The following FER variants were observed in gnomAD, a reference collection of about 807,000 sequenced individuals.
FER encodes the protein FER tyrosine kinase.
Under a neutral mutation model 111.0 loss-of-function variants are expected in FER, and 63 were observed. The observed-to-expected ratio is 0.57, with a 90% CI of 0.46 to 0.70. The LOEUF (loss-of-function observed/expected upper bound fraction) is 0.70. Among genes scored for constraint, FER ranks in the 30% least tolerant of loss-of-function variants. FER has a pLI of 0.00. For synonymous variants in FER, 327 were observed against 313.9 expected (o/e 1.04, Z -0.44); for missense variants, 914 against 954.0 (o/e 0.96, Z 0.55).
chr5:109,111,622 C>A (rs1749630652), intron 17 of FER, among the ~76,000 whole-genome samples: 1 of 152,288 alleles, frequency 6.6e-6, no homozygotes, highest in East Asian at 1.9e-4. Flanking sequence ...GTTTAACTGA[C>A]TCACAGTTCC....
At chr5:108,791,091 A>G (rs1317113092) in intron 2 of FER, among the ~76,000 whole-genome samples, 1 of 152,222 alleles carries the variant, frequency 6.6e-6, no homozygotes, top group African/African-American at 2.4e-5. Context: ...TATTGTGAAT[A>G]ATGTTGCTTC....
At chr5:108,780,468 A>T (rs1753938563) in intron 2 of FER, among the ~76,000 whole-genome samples, 1 of 151,748 alleles carries the variant, frequency 6.6e-6, no homozygotes. Flanking sequence ...TTTGGAGGTA[A>T]TGTCAATGTA....
chr5:109,160,712 T>C (rs1046663587), intron 17 of FER, among the ~76,000 whole-genome samples: 2 of 152,290 alleles, frequency 1.3e-5, no homozygotes, highest in Admixed American at 1.3e-4. Context: ...TGCCTGCTCT[T>C]CTCTGAGTCT....
intron 5 of FER, among the ~76,000 whole-genome samples, chr5:108,865,538 T>G (rs1193884576): frequency 6.6e-6 from 1 of 152,058 alleles, no homozygotes; most frequent in East Asian, 1.9e-4. Context: ...GGACTTCATG[T>G]CTAAAACACC....
intron 5 of FER, among the ~76,000 whole-genome samples, chr5:108,865,280 A>T (rs10058519): frequency 0.22 from 33,538 of 151,920 alleles, 3,897 homozygotes; most frequent in African/African-American, 0.28. Context: ...TTTCTAAATA[A>T]ACAATCATGT....
At chr5:108,774,495 G>T (rs1472653265) in intron 2 of FER, among the ~76,000 whole-genome samples, 1 of 152,090 alleles carries the variant, frequency 6.6e-6, no homozygotes, top group Admixed American at 6.6e-5. Context: ...TTCCACAATG[G>T]TTGAACTAAT....
intron 10 of FER, among the ~76,000 whole-genome samples, chr5:108,900,603 G>A (rs1749865470): frequency 2.0e-5 from 3 of 152,190 alleles, no homozygotes; most frequent in Admixed American, 2.0e-4. Flanking sequence ...GTGAAAATTT[G>A]TGTAAATATT....
At chr5:108,986,060 T>C (rs1319320807) in intron 13 of FER, among the ~76,000 whole-genome samples, 1 of 152,234 alleles carries the variant, frequency 6.6e-6, no homozygotes, top group Non-Finnish European at 1.5e-5. Context: ...ACCAGCAGTG[T>C]AGAAGTGTTC....
intron 17 of FER, among the ~76,000 whole-genome samples, chr5:109,111,843 A>G (rs1206060931): frequency 1.3e-5 from 2 of 152,120 alleles, no homozygotes; most frequent in African/African-American, 4.8e-5. Context: ...CTCCCCCAAC[A>G]TTGGGAATTA....
At chr5:108,933,718 G>A (rs1755035329) in intron 10 of FER, among the ~76,000 whole-genome samples, 1 of 152,102 alleles carries the variant, frequency 6.6e-6, no homozygotes, top group South Asian at 2.1e-4. Context: ...TTACGATATT[G>A]ATTCTTCCTA....
chr5:108,853,917 G>A (rs909789149), intron 5 of FER, among the ~76,000 whole-genome samples: 13 of 152,198 alleles, frequency 8.5e-5, no homozygotes, highest in Admixed American at 3.3e-4. Flanking sequence ...AGGAAGGGCA[G>A]AAGTAAGGAG....
intron 17 of FER, among the ~76,000 whole-genome samples, chr5:109,142,944 A>G (rs1753684935): frequency 6.6e-6 from 1 of 152,142 alleles, no homozygotes; most frequent in South Asian, 2.1e-4. Context: ...AGGGAGATTG[A>G]TGGTCAGCCA....
chr5:109,036,814 A>G (rs1770470701), intron 13 of FER, among the ~76,000 whole-genome samples: 1 of 151,986 alleles, frequency 6.6e-6, no homozygotes, highest in South Asian at 2.1e-4. Context: ...TTGAGATCAG[A>G]TAATGGGATG....
chr5:108,947,509 T>C (rs1757144471), intron 11 of FER, among the ~76,000 whole-genome samples: 1 of 152,086 alleles, frequency 6.6e-6, no homozygotes, highest in African/African-American at 2.4e-5. Flanking sequence ...TTTGGAGATG[T>C]GTTTATTAAT....
At chr5:108,997,888 G>A (rs1180047184) in intron 13 of FER, among the ~76,000 whole-genome samples, 1 of 152,120 alleles carries the variant, frequency 6.6e-6, no homozygotes, top group Non-Finnish European at 1.5e-5. Context: ...GCTGTGTGTG[G>A]TAGGCTCCTC....
intron 4 of FER, among the ~76,000 whole-genome samples, chr5:108,835,186 C>CA (rs1161129925): frequency 1.1e-5 from 1 of 92,714 alleles, no homozygotes; most frequent in South Asian, 4.0e-4. Context: ...TTTGCGCCAC[C>CA]CCCCCCCCCC....
At chr5:108,849,452 GTTT>G (rs895625161) in intron 5 of FER, among the ~76,000 whole-genome samples, 2 of 129,108 alleles carry the variant, frequency 1.5e-5, no homozygotes, top group African/African-American at 3.0e-5. Flanking sequence ...TCTGGTGGTG[GTTT>G]TGTTGTTGTT....
At chr5:109,139,576 T>C (rs1753304089) in intron 17 of FER, among the ~76,000 whole-genome samples, 1 of 152,122 alleles carries the variant, frequency 6.6e-6, no homozygotes, top group South Asian at 2.1e-4. Flanking sequence ...GACTTCATTT[T>C]CAGATGTCAG....
chr5:109,013,673 T>A (rs1340644047), intron 13 of FER, among the ~76,000 whole-genome samples: 36 of 151,990 alleles, frequency 2.4e-4, no homozygotes, highest in Middle Eastern at 3.4e-3. Flanking sequence ...CCACAATGGT[T>A]GAACTAGTTT....
Sources: allele counts gnomAD v4.1 joint callset (sites outside exome capture counted in the v4.1 genomes callset), GRCh38; gene constraint gnomAD v4.1.1; transcripts MANE v1.5; gene names NCBI Gene and HGNC (gene_info 2026-07-23, HGNC 2026-07-21).